The following DLGAP3 variants were observed in gnomAD, a reference collection of about 807,000 sequenced individuals.
The protein encoded by DLGAP3 is DLG associated protein 3.
In DLGAP3, 17 loss-of-function variants were observed where a neutral mutation model predicts 81.2. The observed-to-expected ratio is 0.21, with a 90% CI of 0.14 to 0.31. The LOEUF (loss-of-function observed/expected upper bound fraction) is 0.31. Among genes scored for constraint, DLGAP3 ranks in the 10% least tolerant of loss-of-function variants. DLGAP3 has a pLI of 1.00. For missense variants in DLGAP3, 1,124 were observed against 1,388.0 expected (o/e 0.81, Z 3.02); for synonymous variants, 577 against 587.4 (o/e 0.98, Z 0.26).
At position 34,905,169 on chromosome 1, in the gene DLGAP3, C is replaced by T; in HGVS notation, c.215G>A (p.Gly72Asp). ...GGCCCCCGCTGGCCCTCCCTCAGGG[C>T]CTACCGACGGCCCCTCACTCAGGCT... Reference protein sequence around the residue: ...PLSLSEGPSVGPEGGPAGAGV... With the variant: ...PLSLSEGPSVDPEGGPAGAGV... Residue 72 changes from glycine (G) to aspartate (D), a missense_variant, in exon 3 of 12, where the codon GGC becomes GAC. By Grantham distance (94) the Gly-to-Asp change is moderately conservative. This residue lies in a region of DLGAP3 where 167 missense variants were observed against 172.1 expected (regional missense o/e 0.97). Coordinates refer to ENST00000373347, the MANE Select transcript of DLGAP3 (RefSeq NM_001080418.3). 1 of 1,574,952 alleles carries T rather than the reference C, an allele frequency of 6.3e-7. No homozygotes were observed. Among genetic ancestry groups the T allele is most frequent in the Non-Finnish European group, 8.6e-7 (1 of 1,160,010 alleles).
rs771424600 is a variant in DLGAP3 at position 34,867,017 on chromosome 1, G to A, written c.2721+31C>T. ...GGGGAGGGGAATTTCCCAGAGTCTG[G>A]CCTCTTTGCCTGAAGGCACCCCAGC... is the stretch of plus-strand genomic sequence containing the variant. On this transcript the variant is annotated intron_variant, in intron 11 of 11. Coordinates refer to ENST00000373347, the MANE Select transcript of DLGAP3 (RefSeq NM_001080418.3). This position sits in a 1 kb window ranked among gnomAD's most constrained non-coding sequence, Gnocchi z 4.3. 3.7e-6 allele frequency: 6 copies of A among 1,613,810 alleles called. No individual in the cohort carries two copies. Among genetic ancestry groups the A allele is most frequent in the East Asian group, 2.2e-5 (1 of 44,882 alleles).
chr1:34,872,495 C>A (rs998698245), intron 8 of DLGAP3, among the ~76,000 whole-genome samples: 8 of 152,146 alleles, frequency 5.3e-5, no homozygotes, highest in African/African-American at 1.9e-4. Flanking sequence ...GAGGAAAGAA[C>A]CTGTGGTGTA....
At chr1:34,925,463 G>A (rs1490848637) in intron 1 of DLGAP3, 1 of 152,582 alleles carries the variant, frequency 6.6e-6, no homozygotes, top group Non-Finnish European at 1.5e-5. Context: ...CCTTTCTGAA[G>A]GAGCCAGCTC....
rs1042168477 is a variant in DLGAP3 at position 34,905,190 on chromosome 1, A to T, written c.194T>A (p.Leu65Gln). The change falls in exon 3 of 12, where the codon CTG (leucine) becomes CAG (glutamine). Residue 65 changes from leucine to glutamine, a missense_variant. Around this residue, in one of 9 missense-constraint regions of DLGAP3, gnomAD observed 167 missense variants for 172.1 expected, o/e 0.97. Transcript: ENST00000373347. ...AGGGCCTACCGACGGCCCCTCACTC[A>T]GGCTCAGGGGCCCTTCAGGAGAAAT... Reference protein sequence around the residue: ...GHISPEGPLSLSEGPSVGPEG... With the variant: ...GHISPEGPLSQSEGPSVGPEG... 1 of 1,585,118 alleles carries T rather than the reference A, an allele frequency of 6.3e-7. No homozygotes were observed. Among genetic ancestry groups the T allele is most frequent in the Non-Finnish European group, 8.6e-7 (1 of 1,165,828 alleles).
intron 5 of DLGAP3, among the ~76,000 whole-genome samples, chr1:34,889,645 G>A (rs1345824879): frequency 6.6e-6 from 1 of 152,142 alleles, no homozygotes; most frequent in Non-Finnish European, 1.5e-5. Context: ...GTCCAACAGG[G>A]GGCCAGGCAA....
intron 1 of DLGAP3, among the ~76,000 whole-genome samples, chr1:34,928,771 G>A (rs1433686969): frequency 6.6e-6 from 1 of 151,164 alleles, no homozygotes; most frequent in East Asian, 2.0e-4. Context: ...CAGATACCGG[G>A]ACCCACTCAC....
chr1:34,883,669 C>G (rs1451683201), intron 8 of DLGAP3, among the ~76,000 whole-genome samples: 1 of 150,780 alleles, frequency 6.6e-6, no homozygotes, highest in Non-Finnish European at 1.5e-5. Flanking sequence ...AGAAGTCATG[C>G]AGGCAACCAG....
chr1:34,899,216 C>T (rs1639419054), intron 5 of DLGAP3, among the ~76,000 whole-genome samples: 1 of 152,042 alleles, frequency 6.6e-6, no homozygotes, highest in African/African-American at 2.4e-5. Flanking sequence ...CTACAGGCAC[C>T]CGCCACCATG....
chr1:34,873,022 G>GTTCCTTATATCTGTTATAT lies in DLGAP3; in HGVS notation c.2001-3934_2001-3933insATATAACAGATATAAGGAA, dbSNP rs1292182201. ...AGAGGAGGAACCAGATATAAGGATGGATAAAAAAGAATAACATCTTCTAAG... is the reference window on the plus strand; with the variant it reads ...AGAGGAGGAACCAGATATAAGGATGGTTCCTTATATCTGTTATATATAAAAAAGAATAACATCTTCTAAG... On this transcript the variant is annotated intron_variant, in intron 8 of 11. Transcript: ENST00000373347. The surrounding 1 kb of genome is among the most constrained non-coding windows in gnomAD (Gnocchi z 4.2). Among the ~76,000 whole-genome samples, 19 of 152,204 alleles carry GTTCCTTATATCTGTTATAT rather than the reference G, an allele frequency of 1.2e-4. No individual in the cohort carries two copies. The highest frequency in any genetic ancestry group is 4.3e-4 in the African/African-American group (18 of 41,448).
chr1:34,885,624 T>C lies in DLGAP3; in HGVS notation c.1768A>G (p.Met590Val). Residue 590 changes from methionine to valine, a missense_variant, in exon 7 of 12, where the codon ATG becomes GTG. This residue lies in a region of DLGAP3 where 379 missense variants were observed against 455.7 expected (regional missense o/e 0.83). Coordinates refer to ENST00000373347, the MANE Select transcript of DLGAP3 (RefSeq NM_001080418.3). Reference sequence around the variant, plus strand: ...GCCAACTCCAGTGTGCGCGCACCCATGGCGGGGCCGTCCAGCCCGTCGGCG... The same window carrying C: ...GCCAACTCCAGTGTGCGCGCACCCACGGCGGGGCCGTCCAGCCCGTCGGCG... ...SSADGLDGPA[M>V]GARTLELAPV... 6.5e-7 allele frequency: 1 copy of C among 1,545,642 alleles called. No homozygotes were observed. The highest frequency in any genetic ancestry group is 8.7e-7 in the Non-Finnish European group (1 of 1,150,812).
chr1:34,918,104 T>C (rs1639743836), intron 1 of DLGAP3, among the ~76,000 whole-genome samples: 1 of 152,158 alleles, frequency 6.6e-6, no homozygotes, highest in African/African-American at 2.4e-5. Flanking sequence ...AGGGGGGGTC[T>C]CTCAGAGGAA....
chr1:34,911,719 G>A (rs556778559), intron 1 of DLGAP3, among the ~76,000 whole-genome samples: 9 of 152,256 alleles, frequency 5.9e-5, no homozygotes, highest in South Asian at 4.2e-4. Flanking sequence ...TTCTTAAACC[G>A]GAACTTGCTG....
intron 1 of DLGAP3, among the ~76,000 whole-genome samples, chr1:34,918,420 C>G (rs1037758428): frequency 6.6e-6 from 1 of 152,206 alleles, no homozygotes; most frequent in African/African-American, 2.4e-5. Flanking sequence ...TTGGCCCACC[C>G]CTGCCTCACT....
chr1:34,878,086 C>A (rs2148397467), intron 8 of DLGAP3, among the ~76,000 whole-genome samples: 1 of 152,274 alleles, frequency 6.6e-6, no homozygotes, highest in Non-Finnish European at 1.5e-5. Context: ...GGGTGGATCA[C>A]CTAAGGTCAG....
At position 34,867,720 on chromosome 1, in the gene DLGAP3, T is replaced by G. The variant is rs549522885; in HGVS notation, c.2486-93A>C. ...CCCTGAATGACGCTGACCCCTCGGT[T>G]GCTTGGCACTGTGTATCCATCAGTC... On this transcript the variant is annotated intron_variant, in intron 9 of 11. Transcript: ENST00000373347. The surrounding 1 kb of genome is among the most constrained non-coding windows in gnomAD (Gnocchi z 4.3). The G allele has an allele frequency of 9.8e-7, 1 of 1,022,514 alleles. No individual in the cohort carries two copies. The allele number at this position is 1,022,514 out of a possible 1,614,324, so 63.3% of individuals were successfully genotyped here.
At chr1:34,899,525 G>A (rs538601604) in intron 5 of DLGAP3, 144 bp downstream of exon 5, 1 of 786,042 alleles carries the variant, frequency 1.3e-6, no homozygotes, top group Non-Finnish European at 2.3e-6. Context: ...AGCTCCAGGA[G>A]TCCTAAGGCA....
intron 5 of DLGAP3, among the ~76,000 whole-genome samples, chr1:34,889,598 G>C (rs775755982): frequency 4.9e-4 from 74 of 152,190 alleles, no homozygotes; most frequent in Admixed American, 1.0e-3. Flanking sequence ...AAAATGCTTT[G>C]TGTCTAATTG....
intron 8 of DLGAP3, among the ~76,000 whole-genome samples, chr1:34,874,338 A>G (rs1174300597): frequency 6.6e-6 from 1 of 152,194 alleles, no homozygotes; most frequent in Non-Finnish European, 1.5e-5. Flanking sequence ...GGGGTTTTCT[A>G]TAACTCACAG....
In DLGAP3 at chr1:34,885,719, G is replaced by A; in HGVS notation, c.1673C>T (p.Ala558Val). Reference sequence around the variant, plus strand: ...GTGCGCGGAGTCGGTGCTGCTCTGGGCGGTGATGGAGATGCGGGGCGGGGC... The same window carrying A: ...GTGCGCGGAGTCGGTGCTGCTCTGGACGGTGATGGAGATGCGGGGCGGGGC... ...SQAPPRISIT[A>V]QSSTDSAHES... Residue 558 changes from alanine to valine, a missense_variant, in exon 7 of 12, where the codon GCC becomes GTC. Transcript: ENST00000373347. 5 of 1,424,326 alleles carry A rather than the reference G, an allele frequency of 3.5e-6. No homozygotes were observed. Among genetic ancestry groups the A allele is most frequent in the Non-Finnish European group, 3.6e-6 (4 of 1,097,964 alleles). The allele number at this position is 1,424,326 out of a possible 1,614,324, so 88.2% of individuals were successfully genotyped here.
Sources: allele counts gnomAD v4.1 joint callset (sites outside exome capture counted in the v4.1 genomes callset), GRCh38; gene constraint gnomAD v4.1.1; regional missense constraint gnomAD v4.1.1; non-coding constraint Gnocchi (gnomAD v3.1); transcripts MANE v1.5; gene names NCBI Gene and HGNC (gene_info 2026-07-23, HGNC 2026-07-21).